BIRC5: variants seen among roughly 807,000 people sequenced by gnomAD.
The protein encoded by BIRC5 is baculoviral IAP repeat containing 5.
A neutral mutation model predicts 15.8 loss-of-function variants in BIRC5; 8 were observed. That is an observed-to-expected ratio of 0.51 (90% confidence interval 0.30 to 0.91). The LOEUF (loss-of-function observed/expected upper bound fraction) is 0.91. Ranked by LOEUF, BIRC5 falls within the 40% of genes least tolerant of loss-of-function variation. BIRC5 has a pLI of 0.07. For missense variants in BIRC5, 163 were observed against 178.6 expected, an observed-to-expected ratio of 0.91 and a Z score of 0.50; for synonymous variants, 56 against 64.5, an observed-to-expected ratio of 0.87 and a Z score of 0.63.
In BIRC5 at chr17:78,222,243, T is replaced by G. The variant is rs147546691; in HGVS notation, c.340-1222T>G. Reference sequence around the variant, plus strand: ...AAACGGTGCACTGTTTTCTTTTTTCTTATCAATTTATTATTTTTAAATTAA... The same window carrying G: ...AAACGGTGCACTGTTTTCTTTTTTCGTATCAATTTATTATTTTTAAATTAA... On this transcript the variant is annotated intron_variant, in intron 3 of 3. Coordinates refer to ENST00000350051, the MANE Select transcript of BIRC5 (RefSeq NM_001168.3). Among the ~76,000 whole-genome samples the G allele has an allele frequency of 4.1e-3, 612 of 150,804 alleles. 13 individuals are homozygous for G. The highest frequency in any genetic ancestry group is 0.026 in the East Asian group (132 of 5,174).
At chr17:78,216,611 C>A (rs1237548362) in intron 2 of BIRC5, 53 bp from the exon 3 acceptor site, 4 of 1,537,132 alleles carry the variant, frequency 2.6e-6, no homozygotes, top group Non-Finnish European at 3.6e-6. Flanking sequence ...GGGGAGTGGA[C>A]TGCCGCTTTA....
intron 3 of BIRC5, among the ~76,000 whole-genome samples, chr17:78,218,727 T>A (rs2076497341): frequency 6.6e-6 from 1 of 150,700 alleles, no homozygotes; most frequent in Admixed American, 6.6e-5. Context: ...CTCAGCCTCC[T>A]GAGTAGCTGG....
Position 78,223,687 on chromosome 17 carries a change from GTTTCAACTGTGCTCTT to G in BIRC5, c.*134_*149del, listed in dbSNP as rs747777761. The G allele has an allele frequency of 4.1e-5, 61 of 1,496,572 alleles. No individual in the cohort carries two copies. The highest frequency in any genetic ancestry group is 5.3e-5 in the Non-Finnish European group (59 of 1,118,110). 92.7% of individuals were successfully genotyped at this position (1,496,572 alleles called of 1,614,324 possible). On this transcript the variant is annotated 3_prime_UTR_variant, in exon 4 of 4. Transcript: ENST00000350051. Reference sequence around the variant, plus strand: ...GGAGATCAACATTTTCAAATTAGATGTTTCAACTGTGCTCTTGTTTTGTCTTGAAAGTGGCACCAGA... The same window carrying G: ...GGAGATCAACATTTTCAAATTAGATGGTTTTGTCTTGAAAGTGGCACCAGA...
chr17:78,222,687 A>T (rs1358031440), intron 3 of BIRC5: 1 of 1,226,732 alleles, frequency 8.2e-7, no homozygotes, highest in Non-Finnish European at 1.1e-6. Flanking sequence ...AATTTTTTTT[A>T]AGTTAACCTC....
Position 78,214,777 on chromosome 17 carries a change from A to T in BIRC5, c.209A>T (p.Asp70Val). ...CFKELEGWEPDDDPIEEHKKH... is the reference protein window; with the variant it reads ...CFKELEGWEPVDDPIEEHKKH... ...AAGGAGCTGGAAGGCTGGGAGCCAGATGACGACCCCATGTAAGTCTTCTCT... is the reference window on the plus strand; with the variant it reads ...AAGGAGCTGGAAGGCTGGGAGCCAGTTGACGACCCCATGTAAGTCTTCTCT... The change falls in exon 2 of 4, where the codon GAT (aspartate) becomes GTT (valine). Residue 70 changes from aspartate (D) to valine (V), a missense_variant. Physicochemically the swap from Asp to Val is radical, Grantham distance 152 (BLOSUM62 -3). Coordinates refer to ENST00000350051, the MANE Select transcript of BIRC5 (RefSeq NM_001168.3). 2 of 1,612,906 alleles carry T rather than the reference A, an allele frequency of 1.2e-6. No individual in the cohort carries two copies. Among genetic ancestry groups the T allele is most frequent in the Non-Finnish European group, 1.7e-6 (2 of 1,179,494 alleles).
At position 78,216,045 on chromosome 17, in the gene BIRC5, C is replaced by G. The variant is rs189943941; in HGVS notation, c.222-619C>G. ...CGGGCGGATCACGAGGTCAGGAGAT[C>G]GAGACCATCTTGGCTAATACGGTGA... On this transcript the variant is annotated intron_variant, in intron 2 of 3. Coordinates refer to ENST00000350051, the MANE Select transcript of BIRC5 (RefSeq NM_001168.3). 2.4e-4 allele frequency: 216 copies of G among 910,760 alleles called. No individual in the cohort carries two copies. In the East Asian group the frequency reaches 5.1e-3, roughly 21 times the overall value. The allele number at this position is 910,760 out of a possible 1,614,324, so 56.4% of individuals were successfully genotyped here.
chr17:78,217,176 C>CTT (rs1415769310), intron 3 of BIRC5, among the ~76,000 whole-genome samples: 1 of 142,420 alleles, frequency 7.0e-6, no homozygotes, highest in Non-Finnish European at 1.5e-5. Context: ...CCACGCCTGG[C>CTT]TTTTTTTTTT....
rs773881321 is a variant in BIRC5 at position 78,214,807 on chromosome 17, A to G, written c.221+18A>G. 5.0e-6 allele frequency: 8 copies of G among 1,596,554 alleles called. No individual in the cohort carries two copies. The Admixed American group carries it at 5.1e-5, about 10-fold the overall frequency. ...GACCCCATGTAAGTCTTCTCTGGCC[A>G]GCCTCGATGGGCTTTGTTTTGAACT... is the stretch of plus-strand genomic sequence containing the variant. On this transcript the variant is annotated intron_variant, in intron 2 of 3. Transcript: ENST00000350051.
chr17:78,219,606 G>A (rs988025284), intron 3 of BIRC5, among the ~76,000 whole-genome samples: 3 of 152,220 alleles, frequency 2.0e-5, no homozygotes, highest in Non-Finnish European at 4.4e-5. Flanking sequence ...GAGCTGCAGC[G>A]TGGGAACTGG....
chr17:78,218,975 A>G (rs574031535), intron 3 of BIRC5, among the ~76,000 whole-genome samples: 2 of 152,192 alleles, frequency 1.3e-5, no homozygotes, highest in African/African-American at 4.8e-5. Flanking sequence ...GGGATTCCAT[A>G]TCCTTGTAGC....
rs899082801 is a variant in BIRC5 at position 78,224,849 on chromosome 17, G to A, written c.*1295G>A. 5 of 152,144 alleles carry A rather than the reference G, an allele frequency of 3.3e-5. No homozygotes were observed. The highest frequency in any genetic ancestry group is 2.1e-4 in the South Asian group (1 of 4,830). The allele number at this position is 152,144 out of a possible 1,614,324, so 9.4% of individuals were successfully genotyped here. ...GTCTCTGGGCGCTTGCCAGAGCCAC[G>A]AACCCCAGACCTGTTTGTATCATCC... is the stretch of plus-strand genomic sequence containing the variant. On this transcript the variant is annotated 3_prime_UTR_variant, in exon 4 of 4. Coordinates refer to ENST00000350051, the MANE Select transcript of BIRC5 (RefSeq NM_001168.3).
At chr17:78,223,224 A>C (rs1397123575) in intron 3 of BIRC5, among the ~76,000 whole-genome samples, 1 of 152,240 alleles carries the variant, frequency 6.6e-6, no homozygotes, top group Non-Finnish European at 1.5e-5. Context: ...TGCTGGGTGC[A>C]TACCAAGCAC....
chr17:78,223,391 C>T, intron 3 of BIRC5, 74 bp from the exon 4 acceptor site: 9 of 1,395,578 alleles, frequency 6.4e-6, no homozygotes, highest in Admixed American at 4.8e-5. Context: ...TTGTTTTTTC[C>T]TTTGTCATCT....
At chr17:78,218,899 A>G (rs2661689) in intron 3 of BIRC5, among the ~76,000 whole-genome samples, 98,347 of 151,756 alleles carry the variant, frequency 0.65, 31,905 homozygotes, top group Middle Eastern at 0.77. Flanking sequence ...GATCTACTGC[A>G]CCAGGCCTGG....
At chr17:78,217,827 C>CTT (rs894555610) in intron 3 of BIRC5, among the ~76,000 whole-genome samples, 38 of 151,912 alleles carry the variant, frequency 2.5e-4, no homozygotes, top group African/African-American at 8.9e-4. Context: ...GGGACTCACT[C>CTT]TGTCACCTGG....
intron 3 of BIRC5, among the ~76,000 whole-genome samples, chr17:78,221,881 G>T (rs2076517870): frequency 6.6e-6 from 1 of 152,162 alleles, no homozygotes; most frequent in African/African-American, 2.4e-5. Flanking sequence ...GGACTGCAGA[G>T]TTGTCCATCA....
At position 78,216,553 on chromosome 17, in the gene BIRC5, T is replaced by G. The variant is rs577060471; in HGVS notation, c.222-111T>G. 2.9e-5 allele frequency: 25 copies of G among 856,190 alleles called. No homozygotes were observed. The African/African-American group carries it at 4.2e-4, about 14-fold the overall frequency. The allele number at this position is 856,190 out of a possible 1,614,324, so 53.0% of individuals were successfully genotyped here. A position where few individuals can be genotyped will look rare whatever the true frequency, so the allele number is the denominator to read the frequency against. ...AACTTCAGACTTGACGTCTTACTCC[T>G]GAGGCAGAGCAGGGTGTGCCTGTGG... On this transcript the variant is annotated intron_variant, in intron 2 of 3. Coordinates refer to ENST00000350051, the MANE Select transcript of BIRC5 (RefSeq NM_001168.3).
intron 2 of BIRC5, 103 bp downstream of exon 2, chr17:78,214,892 T>C: frequency 9.3e-7 from 1 of 1,070,208 alleles, no homozygotes; most frequent in Non-Finnish European, 1.4e-6. Flanking sequence ...CTTTCCACCC[T>C]CATTGCTTCT....
chr17:78,214,648 C>A, intron 1 of BIRC5, 32 bp from the exon 2 acceptor site: 1 of 1,549,790 alleles, frequency 6.5e-7, no homozygotes, highest in South Asian at 1.2e-5. Flanking sequence ...CGGGCTGCCA[C>A]GTCCACTCAC....
Sources: allele counts gnomAD v4.1 joint callset (sites outside exome capture counted in the v4.1 genomes callset), GRCh38; gene constraint gnomAD v4.1.1; transcripts MANE v1.5; gene names NCBI Gene and HGNC (gene_info 2026-07-23, HGNC 2026-07-21).